The following ACOT11 variants were observed in gnomAD, a reference collection of about 807,000 sequenced individuals.
ACOT11 encodes acyl-coenzyme A thioesterase 11.
In ACOT11, 69 loss-of-function variants were observed where a neutral mutation model predicts 77.5. The observed-to-expected ratio is 0.89, with a 90% CI of 0.73 to 1.09. The LOEUF (loss-of-function observed/expected upper bound fraction) is 1.09. ACOT11 is among the 50% of genes least tolerant of loss of function. ACOT11 has a pLI of 0.00. For synonymous variants in ACOT11, 279 were observed against 313.0 expected (o/e 0.89, Z 1.15); for missense variants, 766 against 813.7 (o/e 0.94, Z 0.71).
At chr1:54,619,763 C>T (rs1448687641) in intron 15 of ACOT11, 30 of 1,239,202 alleles carry the variant, frequency 2.4e-5, no homozygotes, top group Middle Eastern at 2.8e-4. Context: ...TGTAAACAGC[C>T]ATCATGCCAC....
intron 1 of ACOT11, among the ~76,000 whole-genome samples, chr1:54,580,366 G>T (rs300271): frequency 0.74 from 112,422 of 151,968 alleles, 41,904 homozygotes; most frequent in African/African-American, 0.84. Context: ...TCACTTTAGG[G>T]CATACCTTCT....
chr1:54,560,840 G>A (rs930821838), intron 1 of ACOT11, among the ~76,000 whole-genome samples: 1 of 152,108 alleles, frequency 6.6e-6, no homozygotes, highest in Non-Finnish European at 1.5e-5. Context: ...CCCTTCGTCA[G>A]CCTCCTGAGT....
At chr1:54,562,549 A>ACC (rs1419322965) in intron 1 of ACOT11, among the ~76,000 whole-genome samples, 1 of 55,636 alleles carries the variant, frequency 1.8e-5, no homozygotes, top group Non-Finnish European at 3.7e-5. Flanking sequence ...GGGCTGACCC[A>ACC]CCCCCCACCT....
downstream of ACOT11, chr1:54,612,762 T>A: frequency 7.1e-7 from 1 of 1,405,764 alleles, no homozygotes; most frequent in Non-Finnish European, 1.0e-6. Context: ...GGCCCCTTCC[T>A]CTCCTCTGGG....
At chr1:54,562,295 G>A (rs1569653328) in intron 1 of ACOT11, among the ~76,000 whole-genome samples, 1 of 115,884 alleles carries the variant, frequency 8.6e-6, no homozygotes, top group African/African-American at 3.8e-5. Flanking sequence ...TCCCGGACGG[G>A]GCGGCTGGCC....
chr1:54,586,522 C>T (rs904386091), intron 3 of ACOT11, among the ~76,000 whole-genome samples: 6 of 151,762 alleles, frequency 4.0e-5, no homozygotes, highest in African/African-American at 4.9e-5. Flanking sequence ...ATCTCTGCCT[C>T]CTGAGTTTAA....
intron 10 of ACOT11, among the ~76,000 whole-genome samples, chr1:54,603,660 C>G (rs1643990930): frequency 1.3e-5 from 2 of 152,102 alleles, no homozygotes; most frequent in Non-Finnish European, 1.5e-5. Context: ...CTGGCTCGCT[C>G]CCACCTCTGA....
chr1:54,607,881 A>G lies in ACOT11; in HGVS notation c.1503-61A>G. 6.2e-7 allele frequency: 1 copy of G among 1,605,650 alleles called. No homozygotes were observed. Among genetic ancestry groups the G allele is most frequent in the Non-Finnish European group, 8.5e-7 (1 of 1,174,902 alleles). ...AGGGTCTCGGCCTTGGTTGGGCAGA[A>G]CAGGCCCCCACTTTCTTCTGTGGCT... On this transcript the variant is annotated intron_variant, in intron 14 of 15. Coordinates refer to ENST00000343744, the MANE Select transcript of ACOT11 (RefSeq NM_147161.4). The surrounding 1 kb of genome is among the most constrained non-coding windows in gnomAD (Gnocchi z 4.5).
At chr1:54,555,186 C>T (rs1014843970) in intron 1 of ACOT11, among the ~76,000 whole-genome samples, 2 of 152,248 alleles carry the variant, frequency 1.3e-5, no homozygotes, top group Non-Finnish European at 2.9e-5. Flanking sequence ...GTCTCGAACT[C>T]ATAACCTCAT....
intron 3 of ACOT11, among the ~76,000 whole-genome samples, chr1:54,588,251 A>G (rs1470030995): frequency 6.6e-6 from 1 of 152,118 alleles, no homozygotes; most frequent in East Asian, 1.9e-4. Context: ...GAGTTCCCAT[A>G]TACCCCACAC....
chr1:54,609,250 C>CCCA lies in ACOT11; in HGVS notation c.*144_*146dup. The CCCA allele has an allele frequency of 6.3e-7, 1 of 1,594,978 alleles. No individual in the cohort carries two copies. The highest frequency in any genetic ancestry group is 1.3e-5 in the African/African-American group (1 of 74,660). On this transcript the variant is annotated 3_prime_UTR_variant, in exon 16 of 16. Coordinates refer to ENST00000343744, the MANE Select transcript of ACOT11 (RefSeq NM_147161.4). The stretch of plus-strand genomic sequence containing the variant: ...AAGCCTCCGCCCTGAGGTCCGCTGG[C>CCCA]CCACCACCCCTGGGTGCTCAGTTTC...
At position 54,592,164 on chromosome 1, in the gene ACOT11, C is replaced by T. The variant is rs570484637; in HGVS notation, c.312-382C>T. On this transcript the variant is annotated intron_variant, in intron 3 of 15. Transcript: ENST00000343744. ...AGGTCACTCTGCCAGGAGAGTGCCG[C>T]AGGGTGAGCCTCTGCAGGGCCTCTG... Among the ~76,000 whole-genome samples the T allele has an allele frequency of 5.3e-5, 8 of 152,248 alleles. No homozygotes were observed. The South Asian group carries it at 1.2e-3, about 24-fold the overall frequency.
At chr1:54,552,333 A>G (rs1028200254) in intron 1 of ACOT11, among the ~76,000 whole-genome samples, 1 of 152,164 alleles carries the variant, frequency 6.6e-6, no homozygotes, top group Admixed American at 6.5e-5. Context: ...TGCTGAATGA[A>G]TGAGTGACCA....
chr1:54,552,413 T>C (rs1284427720), intron 1 of ACOT11, among the ~76,000 whole-genome samples: 1 of 152,134 alleles, frequency 6.6e-6, no homozygotes, highest in Non-Finnish European at 1.5e-5. Flanking sequence ...CTTGAACATG[T>C]AGCATCAGCC....
rs192881512 is a variant in ACOT11 at position 54,548,283 on chromosome 1, C to A, written c.-27C>A. ...TGACCAGCTTGTGTCTCTGGGAGGG[C>A]GCTGCTTTCCCCGGCCACCCGGCGC... On this transcript the variant is annotated 5_prime_UTR_variant, in exon 1 of 16. Transcript: ENST00000343744. 1 of 1,585,166 alleles carries A rather than the reference C, an allele frequency of 6.3e-7. No individual in the cohort carries two copies. The highest frequency in any genetic ancestry group is 1.3e-5 in the African/African-American group (1 of 74,464).
intron 6 of ACOT11, among the ~76,000 whole-genome samples, chr1:54,595,871 A>T (rs537838813): frequency 6.6e-6 from 1 of 152,324 alleles, no homozygotes; most frequent in Admixed American, 6.5e-5. Flanking sequence ...ATCTTAGAAG[A>T]AAATCTCCCC....
intron 16 of ACOT11, among the ~76,000 whole-genome samples, chr1:54,631,778 A>G (rs555793063): frequency 9.8e-5 from 15 of 152,302 alleles, no homozygotes; most frequent in Admixed American, 9.8e-4. Flanking sequence ...CGGTTACAGG[A>G]GTCTCTTAAA....
intron 11 of ACOT11, 33 bp from the exon 12 acceptor site, chr1:54,604,313 T>G (rs746503): frequency 6.3e-7 from 1 of 1,597,222 alleles, no homozygotes; most frequent in Non-Finnish European, 8.6e-7. Context: ...AGGAAGGGGG[T>G]GGGGTAGTGG....
intron 15 of ACOT11, among the ~76,000 whole-genome samples, 191 bp downstream of exon 15, chr1:54,608,259 G>C (rs889243311): frequency 2.0e-5 from 3 of 152,170 alleles, no homozygotes; most frequent in Admixed American, 2.0e-4. Context: ...TAAGTCAGAG[G>C]CCACTGCATG....
Sources: gnomAD v4.1 joint callset for allele counts (sites outside exome capture counted in the v4.1 genomes callset) on GRCh38, gnomAD v4.1.1 for gene constraint, Gnocchi (gnomAD v3.1) non-coding constraint, MANE v1.5 for transcripts, NCBI Gene and HGNC (gene_info 2026-07-23, HGNC 2026-07-21) for gene names.